The following NAMPT variants were observed in gnomAD, a reference collection of about 807,000 sequenced individuals.
NAMPT encodes the protein NAmPRTase.
In NAMPT, 7 loss-of-function variants were observed where a neutral mutation model predicts 58.7. That is an observed-to-expected ratio of 0.12 (90% CI 0.07 to 0.22). The LOEUF (loss-of-function observed/expected upper bound fraction) is 0.22. Ranked by LOEUF, NAMPT falls within the 10% of genes least tolerant of loss-of-function variation. The pLI, the probability that NAMPT is intolerant of heterozygous loss-of-function variation, is 1.00. For missense variants in NAMPT, 271 were observed against 567.9 expected (o/e 0.48, Z 5.31); for synonymous variants, 145 against 198.1 (o/e 0.73, Z 2.25).
chr7:106,285,008 A>AG, upstream of NAMPT: 1 of 1,366,492 alleles, frequency 7.3e-7, no homozygotes, highest in Non-Finnish European at 9.7e-7. Flanking sequence ...GGAGGGGGAG[A>AG]GGGGGAAACG....
chr7:106,282,785 T>G (rs1042617859), intron 1 of NAMPT, among the ~76,000 whole-genome samples: 9 of 152,206 alleles, frequency 5.9e-5, no homozygotes, highest in African/African-American at 1.7e-4. Context: ...TCAACAATAT[T>G]TTGCTCTCTT....
At chr7:106,259,597 G>T (rs1358585745) in intron 8 of NAMPT, among the ~76,000 whole-genome samples, 1 of 151,978 alleles carries the variant, frequency 6.6e-6, no homozygotes, top group Non-Finnish European at 1.5e-5. Flanking sequence ...GCTAATTTTT[G>T]TATTTTTAGT....
intron 1 of NAMPT, 67 bp from the exon 2 acceptor site, chr7:106,277,246 G>T: frequency 1.5e-6 from 2 of 1,325,508 alleles, no homozygotes; most frequent in East Asian, 2.3e-5. Flanking sequence ...AACAGAAAAG[G>T]CTTGAAGTTA....
intron 7 of NAMPT, 72 bp downstream of exon 7, chr7:106,263,320 A>C (rs1792345475): frequency 9.2e-7 from 1 of 1,085,988 alleles, no homozygotes; most frequent in Admixed American, 1.9e-5. Context: ...GTGTGTATAT[A>C]AATGAAAAGT....
At position 106,273,241 on chromosome 7, in the gene NAMPT, G is replaced by A. The variant is rs951376046; in HGVS notation, c.319-583C>T. ...CACAGAATCTTGGCAATTAACACTC[G>A]AGTATGACTTAACTGACTTCCTCTT... On this transcript the variant is annotated intron_variant, in intron 3 of 10. Transcript: ENST00000222553. 3.3e-5 allele frequency among the ~76,000 whole-genome samples: 5 copies of A among 152,154 alleles called. No homozygotes were observed. The South Asian group carries it at 6.2e-4, about 19-fold the overall frequency.
chr7:106,285,634 G>A (rs985791629), upstream of NAMPT: 3 of 985,152 alleles, frequency 3.0e-6, no homozygotes, highest in Admixed American at 1.2e-4. Context: ...GATCCCAGGA[G>A]CTGCGGTGAG....
chr7:106,285,046 G>T, upstream of NAMPT: 1 of 1,360,754 alleles, frequency 7.3e-7, no homozygotes, highest in South Asian at 1.6e-5. Context: ...AGAGGAGGGC[G>T]GGCCCGGGAG....
Position 106,284,907 on chromosome 7 carries a change from G to A in NAMPT, c.-23C>T, listed in dbSNP as rs778796235. 2 of 1,574,126 alleles carry A rather than the reference G, an allele frequency of 1.3e-6. No homozygotes were observed. The highest frequency in any genetic ancestry group is 2.3e-5 in the South Asian group (2 of 86,110). On this transcript the variant is annotated 5_prime_UTR_variant, in exon 1 of 11. Transcript: ENST00000222553. Reference sequence around the variant, plus strand: ...CATCTCGGGCCGGAGGACAGGGGCCGCGCGCCGCGAGCTCCCTGGCGCGGC... The same window carrying A: ...CATCTCGGGCCGGAGGACAGGGGCCACGCGCCGCGAGCTCCCTGGCGCGGC...
chr7:106,254,325 G>A (rs1792163549), intron 9 of NAMPT, 39 bp downstream of exon 9: 1 of 1,605,746 alleles, frequency 6.2e-7, no homozygotes, highest in African/African-American at 1.3e-5. Flanking sequence ...AGATACATAA[G>A]GAAGGTAGTA....
intron 5 of NAMPT, 87 bp downstream of exon 5, chr7:106,269,067 A>C (rs1792480811): frequency 2.4e-6 from 3 of 1,254,970 alleles, no homozygotes; most frequent in African/African-American, 1.5e-5. Context: ...AACCAAGATC[A>C]ATCTCAATAA....
In NAMPT at chr7:106,250,827, A is replaced by C; in HGVS notation, c.*256T>G. On this transcript the variant is annotated 3_prime_UTR_variant, in exon 11 of 11. Coordinates refer to ENST00000222553, the MANE Select transcript of NAMPT (RefSeq NM_005746.3). ...TCTCAGTTCTGTTATTTGTGAAAAG[A>C]TCAATACCAGATTGAATGACTACCT... is the stretch of plus-strand genomic sequence containing the variant. 4.6e-6 allele frequency: 2 copies of C among 430,682 alleles called. No individual in the cohort carries two copies. The highest frequency in any genetic ancestry group is 8.2e-6 in the Non-Finnish European group (2 of 243,248). The allele number at this position is 430,682 out of a possible 1,614,324, so 26.7% of individuals were successfully genotyped here.
chr7:106,279,765 AT>A (rs544437141), intron 1 of NAMPT, among the ~76,000 whole-genome samples: 7 of 152,228 alleles, frequency 4.6e-5, no homozygotes, highest in South Asian at 2.1e-4. Flanking sequence ...AAGAAAAAAA[AT>A]ATATTAATTT....
At chr7:106,265,900 TC>T (rs1415511080) in intron 6 of NAMPT, among the ~76,000 whole-genome samples, 1 of 152,240 alleles carries the variant, frequency 6.6e-6, no homozygotes, top group Non-Finnish European at 1.5e-5. Flanking sequence ...AGGTGCAGAT[TC>T]ATCTATTAAG....
At chr7:106,280,968 A>G (rs1430467533) in intron 1 of NAMPT, among the ~76,000 whole-genome samples, 1 of 151,478 alleles carries the variant, frequency 6.6e-6, no homozygotes, top group African/African-American at 2.4e-5. Context: ...AAGCACAAAC[A>G]GAAAAATGTA....
chr7:106,284,011 T>G (rs1164157337), intron 1 of NAMPT, among the ~76,000 whole-genome samples: 1 of 152,270 alleles, frequency 6.6e-6, no homozygotes, highest in African/African-American at 2.4e-5. Flanking sequence ...TCAATGGGCA[T>G]GTGAACGCAA....
At chr7:106,254,585 A>G in intron 8 of NAMPT, 81 bp from the exon 9 acceptor site, 1 of 1,448,170 alleles carries the variant, frequency 6.9e-7, no homozygotes, top group Non-Finnish European at 9.6e-7. Context: ...GACAATATTG[A>G]TGAATGAAGC....
rs564221664 is a variant in NAMPT, at chr7:106,252,917, T to C, written c.1365+100A>G. On this transcript the variant is annotated intron_variant, in intron 10 of 10. Coordinates refer to ENST00000222553, the MANE Select transcript of NAMPT (RefSeq NM_005746.3). The stretch of plus-strand genomic sequence containing the variant: ...ACATTTTATAATAAAATATAATACT[T>C]TGTCTTCCACAAAAACAATAACATA... 26 of 1,396,412 alleles carry C rather than the reference T, an allele frequency of 1.9e-5. No homozygotes were observed. In the East Asian group the frequency reaches 4.4e-4, roughly 24 times the overall value. The allele number at this position is 1,396,412 out of a possible 1,614,324, so 86.5% of individuals were successfully genotyped here.
In NAMPT at chr7:106,277,215, G is replaced by A. The variant is rs567892454; in HGVS notation, c.58-36C>T. ...AAATACACTTCTGTTAGAAAACACC[G>A]ATGAGTAGACTATAAATCACAACAG... is the stretch of plus-strand genomic sequence containing the variant. On this transcript the variant is annotated intron_variant, in intron 1 of 10. Coordinates refer to ENST00000222553, the MANE Select transcript of NAMPT (RefSeq NM_005746.3). 322 of 1,528,340 alleles carry A rather than the reference G, an allele frequency of 2.1e-4. 1 individual carries two copies. The South Asian group carries it at 3.2e-3, about 15-fold the overall frequency. The allele number at this position is 1,528,340 out of a possible 1,614,324, so 94.7% of individuals were successfully genotyped here. A position where few individuals can be genotyped will look rare whatever the true frequency, so the allele number is the denominator to read the frequency against.
At chr7:106,285,165 G>A, upstream of NAMPT, 2 of 1,246,694 alleles carry the variant, frequency 1.6e-6, no homozygotes, top group East Asian at 3.5e-5. Flanking sequence ...CACCCTCCGG[G>A]GGCCGAGAAA....
Sources: allele counts gnomAD v4.1 joint callset (sites outside exome capture counted in the v4.1 genomes callset), GRCh38; gene constraint gnomAD v4.1.1; transcripts MANE v1.5; gene names NCBI Gene and HGNC (gene_info 2026-07-23, HGNC 2026-07-21).